The following MFSD11 variants were observed in gnomAD, a reference collection of about 807,000 sequenced individuals.
The protein encoded by MFSD11 is major facilitator superfamily domain containing 11, also known as UNC93-like protein MFSD11.
MFSD11 carries 36 observed loss-of-function variants against 53.5 expected under a neutral mutation model. The observed-to-expected ratio is 0.67, with a 90% confidence interval of 0.52 to 0.89. MFSD11 has a LOEUF of 0.89. Among genes scored for constraint, MFSD11 ranks in the 40% least tolerant of loss-of-function variants. The probability of loss-of-function intolerance (pLI) is 0.00; values close to 1 mark genes in which losing one functional copy is unlikely to be tolerated. For synonymous variants in MFSD11, 186 were observed against 184.9 expected, an observed-to-expected ratio of 1.01 and a Z score of -0.05; for missense variants, 530 against 543.9, an observed-to-expected ratio of 0.97 and a Z score of 0.25.
chr17:76,756,026 G>A (rs1294702140), intron 8 of MFSD11, among the ~76,000 whole-genome samples: 3 of 148,974 alleles, frequency 2.0e-5, no homozygotes, highest in Non-Finnish European at 4.5e-5. Flanking sequence ...ATTTCTCCAC[G>A]TTGGTTAGGC....
Position 76,754,085 on chromosome 17 carries a change from T to C in MFSD11, c.680T>C (p.Phe227Ser). The change falls in exon 8 of 13, where the codon TTT becomes TCT. Residue 227 changes from phenylalanine (F) to serine (S), a missense_variant and splice_region_variant. Coordinates refer to ENST00000685175, the MANE Select transcript of MFSD11 (RefSeq NM_001242532.5). ...QNNLTKAVDAFKKSFKLCVTK... is the reference protein window; with the variant it reads ...QNNLTKAVDASKKSFKLCVTK... ...AATCTGACAAAGGCAGTAGATGCTT[T>C]TAGTAAGTATTTTCTGTATCTGAAA... is the stretch of plus-strand genomic sequence containing the variant. 1 of 1,612,192 alleles carries C rather than the reference T, an allele frequency of 6.2e-7. No homozygotes were observed. The highest frequency in any genetic ancestry group is 8.5e-7 in the Non-Finnish European group (1 of 1,178,428).
chr17:76,757,323 G>C (rs1163531901), intron 8 of MFSD11, among the ~76,000 whole-genome samples: 1 of 152,212 alleles, frequency 6.6e-6, no homozygotes, highest in African/African-American at 2.4e-5. Flanking sequence ...CAGGTTTGAA[G>C]AGGGAGAAGG....
intron 8 of MFSD11, among the ~76,000 whole-genome samples, chr17:76,762,119 A>G (rs552569072): frequency 1.3e-5 from 2 of 152,094 alleles, no homozygotes; most frequent in African/African-American, 2.4e-5. Flanking sequence ...GGCACTCCCA[A>G]CTTTCTCCCC....
intron 8 of MFSD11, among the ~76,000 whole-genome samples, chr17:76,755,783 T>TATAC (rs1205923504): frequency 0.032 from 595 of 18,772 alleles, 35 homozygotes; most frequent in Non-Finnish European, 0.078. Flanking sequence ...TGTGTGTGTG[T>TATAC]GTGTATACAT....
At chr17:76,788,003 T>G in the MFSD11 span, among the ~76,000 whole-genome samples, 8 of 147,050 alleles carry the variant, frequency 5.4e-5, no homozygotes, top group African/African-American at 2.1e-4. Flanking sequence ...TTGCTTTTTT[T>G]GTTGTTTGTT....
the MFSD11 span, among the ~76,000 whole-genome samples, chr17:76,795,513 T>C: frequency 6.6e-6 from 1 of 151,926 alleles, no homozygotes; most frequent in Non-Finnish European, 1.5e-5. Context: ...TTATAAAGTA[T>C]GCAGGAAGAT....
chr17:76,777,718 A>G (rs1033236379), intron 12 of MFSD11, among the ~76,000 whole-genome samples: 1 of 152,250 alleles, frequency 6.6e-6, no homozygotes, highest in African/African-American at 2.4e-5. Flanking sequence ...TCTGGTCTCT[A>G]TGGCTCTGAT....
intron 7 of MFSD11, among the ~76,000 whole-genome samples, chr17:76,748,645 C>T (rs1038726067): frequency 2.6e-5 from 4 of 151,816 alleles, no homozygotes; most frequent in East Asian, 1.9e-4. Context: ...GTGGTCACGC[C>T]GCTGCACTCC....
At position 76,750,170 on chromosome 17, in the gene MFSD11, G is replaced by A. The variant is rs903383408; in HGVS notation, c.642-3877G>A. Among the ~76,000 whole-genome samples, 9 of 152,136 alleles carry A rather than the reference G, an allele frequency of 5.9e-5. No homozygotes were observed. In the South Asian group the frequency reaches 8.3e-4, roughly 14 times the overall value. On this transcript the variant is annotated intron_variant, in intron 7 of 12. Coordinates refer to ENST00000685175, the MANE Select transcript of MFSD11 (RefSeq NM_001242532.5). ...TTATTGTATTTTAGTCGTCTGTAGA[G>A]TATAAATCAGTTAATTGGGGCCTGA... is the stretch of plus-strand genomic sequence containing the variant.
At chr17:76,753,911 C>A in intron 7 of MFSD11, 136 bp from the exon 8 acceptor site, 1 of 647,570 alleles carries the variant, frequency 1.5e-6, no homozygotes, top group Non-Finnish European at 2.6e-6. Context: ...AGGCAAGGAG[C>A]ATTCGAGTCA....
chr17:76,797,230 TAGAC>T, the MFSD11 span, among the ~76,000 whole-genome samples: 1 of 152,104 alleles, frequency 6.6e-6, no homozygotes, highest in African/African-American at 2.4e-5. Context: ...GGCTACTCCA[TAGAC>T]AGAGTAGCCC....
chr17:76,758,887 C>T (rs1437363997), intron 8 of MFSD11, among the ~76,000 whole-genome samples: 1 of 152,042 alleles, frequency 6.6e-6, no homozygotes, highest in Non-Finnish European at 1.5e-5. Flanking sequence ...CTTTTGACTC[C>T]CTCAATACTT....
chr17:76,742,414 T>C, intron 5 of MFSD11, 141 bp downstream of exon 5: 1 of 692,268 alleles, frequency 1.4e-6, no homozygotes, highest in Admixed American at 2.7e-5. Flanking sequence ...ATTCCAATTT[T>C]ATAGAATCAC....
Position 76,776,459 on chromosome 17 carries a change from T to C in MFSD11, c.1103T>C (p.Phe368Ser). 1.2e-6 allele frequency: 2 copies of C among 1,614,096 alleles called. No individual in the cohort carries two copies. Among genetic ancestry groups the C allele is most frequent in the Non-Finnish European group, 1.7e-6 (2 of 1,180,004 alleles). Residue 368 changes from phenylalanine to serine, a missense_variant, in exon 12 of 13, where the codon TTT becomes TCT. Coordinates refer to ENST00000685175, the MANE Select transcript of MFSD11 (RefSeq NM_001242532.5). The surrounding 1 kb of genome is among the most constrained non-coding windows in gnomAD (Gnocchi z 4.2). ...CTGTTGGGCCTTGGAGACAGCTGCT[T>C]TAATACCCAGCTGCTTAGTATCTTG... ...SFLLGLGDSC[F>S]NTQLLSILGF...
upstream of MFSD11, chr17:76,738,072 G>T (rs1018038737): frequency 6.5e-5 from 29 of 443,484 alleles, no homozygotes; most frequent in African/African-American, 5.3e-4. Flanking sequence ...CCCTTCGTGG[G>T]CCCCTCAACC....
At chr17:76,749,058 T>C (rs1267287542) in intron 7 of MFSD11, among the ~76,000 whole-genome samples, 1 of 152,254 alleles carries the variant, frequency 6.6e-6, no homozygotes, top group African/African-American at 2.4e-5. Context: ...GTTTTAAAAA[T>C]AGCTTTATTG....
the MFSD11 span, among the ~76,000 whole-genome samples, chr17:76,802,146 C>T: frequency 6.6e-6 from 1 of 151,964 alleles, no homozygotes; most frequent in Non-Finnish European, 1.5e-5. Flanking sequence ...TAGTGGGCAC[C>T]TGTAATCCCA....
intron 11 of MFSD11, 27 bp downstream of exon 11, chr17:76,775,198 G>A (rs925358602): frequency 5.6e-6 from 9 of 1,607,580 alleles, no homozygotes; most frequent in African/African-American, 5.3e-5. Context: ...TTCTCTAGTC[G>A]CTTGAGTACG....
intron 8 of MFSD11, 22 bp downstream of exon 8, chr17:76,754,109 A>C (rs747575391): frequency 1.3e-6 from 2 of 1,595,964 alleles, no homozygotes; most frequent in African/African-American, 2.8e-5. Context: ...CTGTATCTGA[A>C]ATGCAAGAAC....
Sources: gnomAD v4.1 joint callset for allele counts (sites outside exome capture counted in the v4.1 genomes callset) on GRCh38, gnomAD v4.1.1 for gene constraint, Gnocchi (gnomAD v3.1) non-coding constraint, MANE v1.5 for transcripts, NCBI Gene and HGNC (gene_info 2026-07-23, HGNC 2026-07-21) for gene names.